The following DYM variants were observed in gnomAD, a reference collection of about 807,000 sequenced individuals.
DYM encodes dymeclin, also known as dyggve-Melchior-Clausen syndrome protein.
Under a neutral mutation model 93.1 loss-of-function variants are expected in DYM, and 78 were observed. The observed-to-expected ratio is 0.84, with a 90% CI of 0.70 to 1.01. The LOEUF (loss-of-function observed/expected upper bound fraction) is 1.01. DYM is among the 50% of genes least tolerant of loss of function. The pLI, the probability that DYM is intolerant of heterozygous loss-of-function variation, is 0.00. For missense variants in DYM, 789 were observed against 845.0 expected, an observed-to-expected ratio of 0.93 and a Z score of 0.82; for synonymous variants, 321 against 319.7, an observed-to-expected ratio of 1.00 and a Z score of -0.04.
At chr18:49,106,036 G>A (rs1290896279) in intron 16 of DYM, among the ~76,000 whole-genome samples, 1 of 152,084 alleles carries the variant, frequency 6.6e-6, no homozygotes, top group East Asian at 1.9e-4. Flanking sequence ...TTATTGTGTG[G>A]GAGTCTAAGT....
intron 1 of DYM, among the ~76,000 whole-genome samples, chr18:49,441,198 T>C (rs548796760): frequency 2.7e-5 from 1 of 37,416 alleles, no homozygotes; most frequent in Non-Finnish European, 4.5e-5. Flanking sequence ...TATAATATAT[T>C]ATATATTATA....
chr18:49,194,756 TAAA>T (rs144193567), intron 14 of DYM, among the ~76,000 whole-genome samples: 2,266 of 152,290 alleles, frequency 0.015, 54 homozygotes, highest in African/African-American at 0.051. Flanking sequence ...AAAAATATTT[TAAA>T]AATATTTCCA....
chr18:49,340,559 T>C (rs2064032964), intron 6 of DYM, among the ~76,000 whole-genome samples: 1 of 152,138 alleles, frequency 6.6e-6, no homozygotes, highest in African/African-American at 2.4e-5. Flanking sequence ...GGACAGGCCT[T>C]ACAGGAGCTG....
chr18:49,401,465 T>A (rs181714181), intron 2 of DYM, among the ~76,000 whole-genome samples: 3 of 152,206 alleles, frequency 2.0e-5, no homozygotes, highest in African/African-American at 4.8e-5. Flanking sequence ...GGTATTTTGA[T>A]ACATGTACAC....
rs188689714 is a variant in DYM at position 49,438,295 on chromosome 18, C to G, written c.-53-7848G>C. 1.4e-3 allele frequency among the ~76,000 whole-genome samples: 206 copies of G among 152,214 alleles called. 2 individuals carry two copies. Among genetic ancestry groups the G allele is most frequent in the African/African-American group, 4.8e-3 (199 of 41,530 alleles). On this transcript the variant is annotated intron_variant, in intron 1 of 17. Transcript: ENST00000675505. The stretch of plus-strand genomic sequence containing the variant: ...TGAACAGAATGTTAACAAAAAAAAT[C>G]GAGACAGCCAATTGAGTAAAGAGTA...
chr18:49,312,668 G>A (rs1170835207), intron 8 of DYM, among the ~76,000 whole-genome samples: 2 of 152,112 alleles, frequency 1.3e-5, no homozygotes, highest in African/African-American at 2.4e-5. Context: ...GGCATGGTAC[G>A]AGAACTTGGG....
At chr18:49,101,642 GTTTTA>G (rs571949759) in intron 16 of DYM, among the ~76,000 whole-genome samples, 19 of 152,190 alleles carry the variant, frequency 1.2e-4, no homozygotes, top group Admixed American at 3.3e-4. Context: ...AGACAGCTAA[GTTTTA>G]TTTTATTTTA....
chr18:49,291,501 C>A (rs2060113619), intron 8 of DYM, among the ~76,000 whole-genome samples: 1 of 152,250 alleles, frequency 6.6e-6, no homozygotes, highest in African/African-American at 2.4e-5. Context: ...GGGAAATAGT[C>A]CCCATCCCTA....
At position 49,040,994 on chromosome 18, in the gene DYM, A is replaced by G. The variant is rs999176737; in HGVS notation, c.*3061T>C. Among the ~76,000 whole-genome samples the G allele has an allele frequency of 7.2e-5, 11 of 152,140 alleles. No individual in the cohort carries two copies. The highest frequency in any genetic ancestry group is 1.5e-4 in the Non-Finnish European group (10 of 68,022). The stretch of plus-strand genomic sequence containing the variant: ...GTGTCCTTTCCACTTTCTATCGTCT[A>G]CTTCCCAGCTCCTGTGCTTTCCTTC... On this transcript the variant is annotated 3_prime_UTR_variant, in exon 18 of 18. Coordinates refer to ENST00000675505, the MANE Select transcript of DYM (RefSeq NM_001353214.3).
chr18:49,240,728 A>G (rs1476220128), intron 13 of DYM, among the ~76,000 whole-genome samples: 1 of 152,322 alleles, frequency 6.6e-6, no homozygotes, highest in South Asian at 2.1e-4. Context: ...CTATTCCATC[A>G]GAAAAGTGGC....
chr18:49,089,466 C>G (rs562112639), intron 17 of DYM, among the ~76,000 whole-genome samples: 2 of 152,314 alleles, frequency 1.3e-5, no homozygotes, highest in Admixed American at 1.3e-4. Flanking sequence ...AGTGAAAGTT[C>G]TCTGTCTTTT....
intron 8 of DYM, among the ~76,000 whole-genome samples, chr18:49,317,591 CTCTCTCCCCCCT>C (rs1252950796): frequency 0.023 from 254 of 10,920 alleles, 1 homozygote; most frequent in African/African-American, 0.13. Flanking sequence ...CTCTCTCTCT[CTCTCTCCCCCCT>C]CCCCCCTCCC....
intron 2 of DYM, among the ~76,000 whole-genome samples, chr18:49,420,507 T>C (rs1369585519): frequency 6.6e-6 from 1 of 152,000 alleles, no homozygotes; most frequent in African/African-American, 2.4e-5. Flanking sequence ...TCCAATTGTA[T>C]ACAATAAAGT....
At chr18:49,409,005 C>A (rs1379770765) in intron 2 of DYM, among the ~76,000 whole-genome samples, 1 of 152,102 alleles carries the variant, frequency 6.6e-6, no homozygotes, top group African/African-American at 2.4e-5. Context: ...TAAATGTGGG[C>A]TGGGCACAGT....
Position 49,343,206 on chromosome 18 carries a change from A to C in DYM, c.495-9353T>G, listed in dbSNP as rs145748600. ...AGCTGCCCACCCCACTAAGAATAAA[A>C]CTCGGAGTCCTTAACTCAGCCTCTA... On this transcript the variant is annotated intron_variant, in intron 6 of 17. Transcript: ENST00000675505. 9.9e-3 allele frequency among the ~76,000 whole-genome samples: 1,514 copies of C among 152,242 alleles called. 23 individuals are homozygous for C. Among genetic ancestry groups the C allele is most frequent in the African/African-American group, 0.035 (1,449 of 41,536 alleles).
intron 13 of DYM, among the ~76,000 whole-genome samples, chr18:49,222,348 G>T (rs535199880): frequency 8.9e-4 from 136 of 152,080 alleles, no homozygotes; most frequent in African/African-American, 3.2e-3. Context: ...AAAAATTACA[G>T]ACTCCTCAAT....
At chr18:49,370,627 A>G (rs568478045) in intron 5 of DYM, among the ~76,000 whole-genome samples, 48 of 152,072 alleles carry the variant, frequency 3.2e-4, no homozygotes, top group Non-Finnish European at 1.5e-5. Flanking sequence ...TCAGCTGGAC[A>G]TGGTGGCATG....
chr18:49,367,988 ATTAGAT>A (rs1251726962), intron 5 of DYM, among the ~76,000 whole-genome samples: 1 of 152,212 alleles, frequency 6.6e-6, no homozygotes, highest in Non-Finnish European at 1.5e-5. Flanking sequence ...ATTCTAAAAT[ATTAGAT>A]TTAAACTTCT....
intron 16 of DYM, among the ~76,000 whole-genome samples, chr18:49,102,937 G>A (rs2080340248): frequency 6.6e-6 from 1 of 152,158 alleles, no homozygotes; most frequent in Non-Finnish European, 1.5e-5. Flanking sequence ...ATCCAGTAAT[G>A]GGATTGCTGG....
Sources: gnomAD v4.1 joint callset for allele counts (sites outside exome capture counted in the v4.1 genomes callset) on GRCh38, gnomAD v4.1.1 for gene constraint, MANE v1.5 for transcripts, NCBI Gene and HGNC (gene_info 2026-07-23, HGNC 2026-07-21) for gene names.